The following FGD5 variants were observed in gnomAD, a reference collection of about 807,000 sequenced individuals.
The protein encoded by FGD5 is FYVE, RhoGEF and PH domain containing 5.
Under a neutral mutation model 133.4 loss-of-function variants are expected in FGD5, and 28 were observed. That is an observed-to-expected ratio of 0.21 (90% CI 0.16 to 0.29). The LOEUF (loss-of-function observed/expected upper bound fraction) is 0.29. FGD5 is among the 10% of genes least tolerant of loss of function. The probability of loss-of-function intolerance (pLI) is 1.00; values close to 1 mark genes in which losing one functional copy is unlikely to be tolerated. For synonymous variants in FGD5, 810 were observed against 776.5 expected (o/e 1.04, Z -0.72); for missense variants, 1,858 against 1,895.2 (o/e 0.98, Z 0.36).
intron 1 of FGD5, among the ~76,000 whole-genome samples, chr3:14,837,600 G>T (rs1332165018): frequency 1.3e-5 from 2 of 152,148 alleles, no homozygotes; most frequent in African/African-American, 4.8e-5. Context: ...GCCCAGCTCT[G>T]TGTGGATCCT....
intron 4 of FGD5, among the ~76,000 whole-genome samples, chr3:14,885,833 T>C (rs1251221439): frequency 1.3e-5 from 2 of 152,172 alleles, no homozygotes; most frequent in African/African-American, 2.4e-5. Flanking sequence ...GGGGACATAG[T>C]CTCTCCTATT....
At chr3:14,846,867 C>T (rs1291210760) in intron 1 of FGD5, among the ~76,000 whole-genome samples, 2 of 152,212 alleles carry the variant, frequency 1.3e-5, no homozygotes, top group African/African-American at 4.8e-5. Context: ...TGTTTGTAGA[C>T]TGTGAAGTGC....
intron 2 of FGD5, among the ~76,000 whole-genome samples, chr3:14,864,515 G>A (rs1404414695): frequency 6.6e-6 from 1 of 152,208 alleles, no homozygotes; most frequent in Non-Finnish European, 1.5e-5. Context: ...CTTTCTGGAG[G>A]CTTTGTGGAT....
intron 1 of FGD5, among the ~76,000 whole-genome samples, chr3:14,838,353 G>A (rs796469795): frequency 8.5e-5 from 13 of 152,254 alleles, no homozygotes; most frequent in African/African-American, 2.2e-4. Context: ...TAATCTCCAC[G>A]TTATAACCTT....
intron 1 of FGD5, among the ~76,000 whole-genome samples, chr3:14,862,117 G>A (rs2037411241): frequency 6.6e-6 from 1 of 152,168 alleles, no homozygotes; most frequent in Non-Finnish European, 1.5e-5. Flanking sequence ...TGTGCTAGGA[G>A]ACACTCGGGT....
At chr3:14,818,075 G>A (rs1037967981), upstream of FGD5, among the ~76,000 whole-genome samples, 1 of 152,200 alleles carries the variant, frequency 6.6e-6, no homozygotes, top group African/African-American at 2.4e-5. Context: ...CCTGGCCACA[G>A]CAGCCCATGC....
chr3:14,824,181 C>G (rs185178319), intron 1 of FGD5, among the ~76,000 whole-genome samples: 143 of 152,344 alleles, frequency 9.4e-4, no homozygotes, highest in Middle Eastern at 6.8e-3. Flanking sequence ...TTCCGCTTTC[C>G]TACATGAAAC....
chr3:14,819,121 C>T lies in FGD5; in HGVS notation c.50C>T (p.Ala17Val), dbSNP rs1324033282. 1 of 1,550,654 alleles carries T rather than the reference C, an allele frequency of 6.4e-7. No homozygotes were observed. Among genetic ancestry groups the T allele is most frequent in the Non-Finnish European group, 8.7e-7 (1 of 1,147,012 alleles). ...PPIAPKPRLT[A>V]PNEWRASVYL... is the part of the protein sequence containing the mutation. ...ATTGCCCCCAAGCCCAGGCTGACTGCCCCAAACGAGTGGAGAGCCAGTGTG... is the reference window on the plus strand; with the variant it reads ...ATTGCCCCCAAGCCCAGGCTGACTGTCCCAAACGAGTGGAGAGCCAGTGTG... Residue 17 changes from alanine to valine, a missense_variant, in exon 1 of 20, where the codon GCC becomes GTC. Transcript: ENST00000285046. This position sits in a 1 kb window ranked among gnomAD's most constrained non-coding sequence, Gnocchi z 4.1.
upstream of FGD5, among the ~76,000 whole-genome samples, chr3:14,817,129 A>G (rs371738901): frequency 6.6e-5 from 10 of 152,362 alleles, no homozygotes; most frequent in African/African-American, 2.4e-4. Context: ...TACATTTTAT[A>G]TATTGATTAC....
chr3:14,919,578 A>C (rs1048081262), intron 13 of FGD5, among the ~76,000 whole-genome samples: 2 of 152,326 alleles, frequency 1.3e-5, no homozygotes, highest in South Asian at 4.1e-4. Context: ...AGATTGCACC[A>C]CTGCACTCCA....
chr3:14,925,941 G>C, intron 17 of FGD5, 129 bp from the exon 18 acceptor site: 1 of 1,244,018 alleles, frequency 8.0e-7, no homozygotes, highest in Non-Finnish European at 1.1e-6. Flanking sequence ...TAGATCCTGA[G>C]ACCTTATCCA....
rs183782487 is a variant in FGD5 at position 14,901,044 on chromosome 3, G to A, written c.3247G>A (p.Asp1083Asn). ...CTCCAAAGTCACAGACCGTGCCAAC[G>A]ACAGCATGGAGCAAGGGGTGAGTGC... ...LISKVTDRAN[D>N]SMEQGENLQK... Residue 1083 changes from aspartate (D) to asparagine (N), a missense_variant, in exon 9 of 20, where the codon GAC becomes AAC. This residue lies in a region of FGD5 where 1,824 missense variants were observed against 1,848.9 expected (regional missense o/e 0.99). Coordinates refer to ENST00000285046, the MANE Select transcript of FGD5 (RefSeq NM_152536.4). 473 of 1,613,954 alleles carry A rather than the reference G, an allele frequency of 2.9e-4. 1 individual carries two copies. The African/African-American group carries it at 5.2e-3, about 18-fold the overall frequency.
chr3:14,885,707 G>A (rs1405057739), intron 4 of FGD5, among the ~76,000 whole-genome samples: 2 of 152,188 alleles, frequency 1.3e-5, no homozygotes, highest in Non-Finnish European at 2.9e-5. Flanking sequence ...TGTCCCGAGA[G>A]AGCAGGTAGA....
chr3:14,922,567 G>C lies in FGD5; in HGVS notation c.3807+19G>C. The C allele has an allele frequency of 6.4e-7, 1 of 1,567,854 alleles. No individual in the cohort carries two copies. The highest frequency in any genetic ancestry group is 1.2e-5 in the South Asian group (1 of 85,470). ...TGGCAAGGTGAGTCGCTGCATCTGGGGTGAGTGTGTGCATGGGGGTGGGGT... is the reference window on the plus strand; with the variant it reads ...TGGCAAGGTGAGTCGCTGCATCTGGCGTGAGTGTGTGCATGGGGGTGGGGT... On this transcript the variant is annotated intron_variant, in intron 15 of 19. Transcript: ENST00000285046. The surrounding 1 kb of genome is among the most constrained non-coding windows in gnomAD (Gnocchi z 4.1).
chr3:14,910,067 A>C (rs763628223), intron 10 of FGD5, among the ~76,000 whole-genome samples: 2 of 152,120 alleles, frequency 1.3e-5, no homozygotes, highest in African/African-American at 4.8e-5. Flanking sequence ...CCTGGTTGTG[A>C]TAATGCACTT....
rs377000288 is a variant in FGD5 at position 14,820,382 on chromosome 3, C to T, written c.1311C>T (p.Pro437=). The part of the protein sequence containing the change: ...ANPYVMGVGL[P]GQAAPGEGGQ... ...CCTATGTGATGGGAGTGGGCCTGCCCGGTCAGGCGGCCCCTGGAGAAGGAG... is the reference window on the plus strand; with the variant it reads ...CCTATGTGATGGGAGTGGGCCTGCCTGGTCAGGCGGCCCCTGGAGAAGGAG... The change falls in exon 1 of 20, where the codon CCC becomes CCT. Residue 437 remains proline, a synonymous_variant. Transcript: ENST00000285046. 7.1e-5 allele frequency: 114 copies of T among 1,613,758 alleles called. 1 individual carries two copies. Among genetic ancestry groups the T allele is most frequent in the South Asian group, 6.0e-4 (55 of 91,068 alleles).
At position 14,811,068 on chromosome 3, in the gene FGD5, GC is replaced by G. The variant is rs1559463135; in HGVS notation, c.13+204del. Among the ~76,000 whole-genome samples, 75 of 152,238 alleles carry G rather than the reference GC, an allele frequency of 4.9e-4. No homozygotes were observed. The Middle Eastern group carries it at 0.01, about 21-fold the overall frequency. On this transcript the variant is annotated intron_variant, in intron 1 of 1. Coordinates refer to the FGD5 transcript ENST00000640506. ...TGAGAACCGGGGGTCCCCGTCCGAAGCGCCCTGCCTCAGGGACCTTCTCAGC... is the reference window on the plus strand; with the variant it reads ...TGAGAACCGGGGGTCCCCGTCCGAAGGCCCTGCCTCAGGGACCTTCTCAGC...
chr3:14,930,497 C>T (rs991034744), intron 18 of FGD5, among the ~76,000 whole-genome samples: 3 of 151,862 alleles, frequency 2.0e-5, no homozygotes, highest in African/African-American at 4.8e-5. Context: ...CTTGTGAGGC[C>T]GAGGCATGAG....
At chr3:14,909,054 C>T (rs189208882) in intron 10 of FGD5, among the ~76,000 whole-genome samples, 4 of 150,232 alleles carry the variant, frequency 2.7e-5, no homozygotes, top group East Asian at 4.0e-4. Context: ...CTGCAACCTC[C>T]GCCTCCCCGG....
Sources: gnomAD v4.1 joint callset for allele counts (sites outside exome capture counted in the v4.1 genomes callset) on GRCh38, gnomAD v4.1.1 for gene constraint, gnomAD v4.1.1 regional missense constraint, Gnocchi (gnomAD v3.1) non-coding constraint, MANE v1.5 for transcripts, NCBI Gene and HGNC (gene_info 2026-07-23, HGNC 2026-07-21) for gene names.